WWOX: variants seen among roughly 807,000 people sequenced by gnomAD.
WWOX encodes the protein WW domain containing oxidoreductase, also known as WW domain-containing oxidoreductase.
WWOX carries 69 observed loss-of-function variants against 46.2 expected under a neutral mutation model. The ratio of observed to expected loss-of-function variants is 1.49; its 90% CI spans 1.23 to 1.82. The LOEUF (loss-of-function observed/expected upper bound fraction) is 1.82. Ranked by LOEUF, WWOX falls within the 40% of genes most tolerant of loss-of-function variation. The pLI, the probability that WWOX is intolerant of heterozygous loss-of-function variation, is 0.00. For missense variants in WWOX, 919 were observed against 542.6 expected (o/e 1.69, Z -6.89); for synonymous variants, 359 against 202.6 (o/e 1.77, Z -6.56).
At chr16:78,877,308 T>C (rs1440409037) in intron 8 of WWOX, among the ~76,000 whole-genome samples, 1 of 140,808 alleles carries the variant, frequency 7.1e-6, no homozygotes, top group African/African-American at 2.7e-5. Flanking sequence ...GCCTCCCCCC[T>C]GTGAGCTTTT....
rs141598340 is a variant in WWOX at position 78,607,381 on chromosome 16, G to A, written c.1056+174629G>A. 2.3e-4 allele frequency among the ~76,000 whole-genome samples: 35 copies of A among 152,254 alleles called. No homozygotes were observed. In the East Asian group the frequency reaches 5.4e-3, roughly 23 times the overall value. ...CCCTTTTGTTTGTGAGTCCAGAGAC[G>A]ATGGAAGAGTTTGGAAAGTTGTCAG... On this transcript the variant is annotated intron_variant, in intron 8 of 8. Coordinates refer to ENST00000566780, the MANE Select transcript of WWOX (RefSeq NM_016373.4).
chr16:78,716,760 A>C (rs1040284063), intron 8 of WWOX, among the ~76,000 whole-genome samples: 6 of 152,138 alleles, frequency 3.9e-5, no homozygotes, highest in Admixed American at 3.3e-4. Context: ...TTCGAATTGC[A>C]GGATCTTCCT....
intron 8 of WWOX, among the ~76,000 whole-genome samples, chr16:78,656,480 A>C (rs1352283929): frequency 6.6e-6 from 1 of 152,152 alleles, no homozygotes; most frequent in Admixed American, 6.5e-5. Context: ...ATGGCAGAAG[A>C]TGAAAGGGAA....
At chr16:78,839,791 C>T (rs1230613685) in intron 8 of WWOX, among the ~76,000 whole-genome samples, 1 of 152,090 alleles carries the variant, frequency 6.6e-6, no homozygotes, top group African/African-American at 2.4e-5. Flanking sequence ...TAGGAGAAGG[C>T]TTGAAGAACC....
At chr16:78,441,341 G>A (rs2083439709) in intron 8 of WWOX, among the ~76,000 whole-genome samples, 1 of 152,214 alleles carries the variant, frequency 6.6e-6, no homozygotes, top group Admixed American at 6.5e-5. Flanking sequence ...ATGAATACAT[G>A]AAAGATGACC....
chr16:78,845,113 C>A (rs566772147), intron 8 of WWOX, among the ~76,000 whole-genome samples: 1 of 111,296 alleles, frequency 9.0e-6, no homozygotes, highest in African/African-American at 3.6e-5. Context: ...TGCATTCATG[C>A]ACTTTTTTTA....
chr16:78,342,691 C>A (rs550827034), intron 5 of WWOX, among the ~76,000 whole-genome samples: 3 of 120,456 alleles, frequency 2.5e-5, no homozygotes, highest in African/African-American at 8.5e-5. Context: ...GGCATGCTTT[C>A]CACCATATGC....
chr16:78,732,774 G>T (rs1248760810), intron 8 of WWOX, among the ~76,000 whole-genome samples: 1 of 152,104 alleles, frequency 6.6e-6, no homozygotes, highest in Non-Finnish European at 1.5e-5. Context: ...CTCCTATCTG[G>T]ACTGTTTTCT....
rs190604179 is a variant in WWOX, at chr16:78,884,158, G to A, written c.1057-327450G>A. Among the ~76,000 whole-genome samples, 62 of 150,996 alleles carry A rather than the reference G, an allele frequency of 4.1e-4. No individual in the cohort carries two copies. The Middle Eastern group carries it at 0.01, about 25-fold the overall frequency. On this transcript the variant is annotated intron_variant, in intron 8 of 8. Transcript: ENST00000566780. ...ATAGTGGCGTATGCCTGTAGTCCTA[G>A]TTACTCGGGAGGCTGAAGCAGGAGG...
intron 5 of WWOX, among the ~76,000 whole-genome samples, chr16:78,199,500 C>T (rs763428101): frequency 5.9e-5 from 9 of 152,112 alleles, no homozygotes; most frequent in Admixed American, 6.5e-5. Context: ...TCTGCGGATC[C>T]GGCATCATGA....
At chr16:78,669,131 T>C (rs1004793160) in intron 8 of WWOX, among the ~76,000 whole-genome samples, 23 of 151,994 alleles carry the variant, frequency 1.5e-4, no homozygotes, top group Admixed American at 1.5e-3. Context: ...TGTGGCCCCA[T>C]CTCCACCACA....
intron 8 of WWOX, among the ~76,000 whole-genome samples, chr16:78,940,197 C>G (rs755737458): frequency 1.3e-5 from 2 of 152,106 alleles, no homozygotes; most frequent in Non-Finnish European, 2.9e-5. Context: ...CTGTATTACA[C>G]ACATTATAAA....
intron 8 of WWOX, among the ~76,000 whole-genome samples, chr16:78,637,169 C>T (rs2046592301): frequency 6.6e-6 from 1 of 152,120 alleles, no homozygotes; most frequent in African/African-American, 2.4e-5. Context: ...TGTCTGTAAT[C>T]CCGGCACTTT....
At chr16:78,526,130 A>G (rs2667614) in intron 8 of WWOX, 127,438 of 152,074 alleles carry the variant, frequency 0.84, 54,349 homozygotes, top group East Asian at 1. Flanking sequence ...TCTTCATTGT[A>G]GCGGAAGAAA....
chr16:79,052,065 T>G (rs1205446897), intron 8 of WWOX, among the ~76,000 whole-genome samples: 2 of 151,302 alleles, frequency 1.3e-5, no homozygotes, highest in African/African-American at 4.9e-5. Context: ...ATACTTTAAG[T>G]TTTAGGGTAC....
At chr16:78,876,239 C>A (rs181694755) in intron 8 of WWOX, among the ~76,000 whole-genome samples, 2 of 151,592 alleles carry the variant, frequency 1.3e-5, no homozygotes, top group Admixed American at 1.3e-4. Flanking sequence ...CGCCAGCTAT[C>A]TTTAAAAGCA....
At chr16:78,913,706 G>T (rs1003140388) in intron 8 of WWOX, among the ~76,000 whole-genome samples, 7 of 151,060 alleles carry the variant, frequency 4.6e-5, no homozygotes, top group African/African-American at 1.7e-4. Flanking sequence ...ATGTTGCCCA[G>T]ACTTGGGTGC....
At position 78,548,658 on chromosome 16, in the gene WWOX, C is replaced by T. The variant is rs548185131; in HGVS notation, c.1056+115906C>T. 1.1e-4 allele frequency among the ~76,000 whole-genome samples: 16 copies of T among 152,234 alleles called. No homozygotes were observed. In the East Asian group the frequency reaches 1.2e-3, roughly 11 times the overall value. On this transcript the variant is annotated intron_variant, in intron 8 of 8. Transcript: ENST00000566780. The stretch of plus-strand genomic sequence containing the variant: ...GCCTTTCATGCAGTATTGTTCCATC[C>T]GCCTGCCACAGAAGTGATTCCAGGT...
chr16:79,191,198 C>T (rs1432351522), intron 8 of WWOX, among the ~76,000 whole-genome samples: 2 of 151,964 alleles, frequency 1.3e-5, no homozygotes, highest in Non-Finnish European at 2.9e-5. Context: ...GGACTACAGG[C>T]ACCTGCCACC....
Sources: gnomAD v4.1 joint callset for allele counts (sites outside exome capture counted in the v4.1 genomes callset) on GRCh38, gnomAD v4.1.1 for gene constraint, MANE v1.5 for transcripts, NCBI Gene and HGNC (gene_info 2026-07-23, HGNC 2026-07-21) for gene names.